The following CISD1 variants were observed in gnomAD, a reference collection of about 807,000 sequenced individuals.
CISD1 encodes the protein CDGSH iron-sulfur domain-containing protein 1.
CISD1 carries 8 observed loss-of-function variants against 12.0 expected under a neutral mutation model. The observed-to-expected ratio is 0.67, with a 90% CI of 0.39 to 1.20. CISD1 has a LOEUF of 1.20. Among genes scored for constraint, CISD1 ranks in the 50% most tolerant of loss-of-function variants. The pLI is 0.01. For missense variants in CISD1, 107 were observed against 132.7 expected, an observed-to-expected ratio of 0.81 and a Z score of 0.95; for synonymous variants, 38 against 42.2, an observed-to-expected ratio of 0.90 and a Z score of 0.39.
rs1413527473 is a variant in CISD1, at chr10:58,287,847, AAAG to A, written c.*198_*200del. On this transcript the variant is annotated 3_prime_UTR_variant, in exon 3 of 3. Coordinates refer to ENST00000333926, the MANE Select transcript of CISD1 (RefSeq NM_018464.5). Reference sequence around the variant, plus strand: ...TTTGTTTAAACAAAAAAAAAAAAAAAAAGGAAAAACCAACCTGCATGGCCTGTG... The same window carrying A: ...TTTGTTTAAACAAAAAAAAAAAAAAAGAAAAACCAACCTGCATGGCCTGTG... 11 of 234,676 alleles carry A rather than the reference AAAG, an allele frequency of 4.7e-5. No individual in the cohort carries two copies. In the African/African-American group the frequency reaches 6.6e-4, roughly 14 times the overall value. 14.5% of individuals were successfully genotyped at this position (234,676 alleles called of 1,614,324 possible).
chr10:58,269,326 G>C lies in CISD1; in HGVS notation c.31+22G>C, dbSNP rs1276734711. ...CGAGGTGAAGTGGGGCCTGGGAGCG[G>C]GTGAGGCTGGTGAGGCTCAGCGGTT... is the stretch of plus-strand genomic sequence containing the variant. On this transcript the variant is annotated intron_variant, in intron 1 of 2. Transcript: ENST00000333926. The C allele has an allele frequency of 5.0e-6, 8 of 1,599,880 alleles. No individual in the cohort carries two copies. The East Asian group carries it at 1.8e-4, about 36-fold the overall frequency.
chr10:58,283,594 G>A (rs1839396380), intron 2 of CISD1, among the ~76,000 whole-genome samples: 1 of 152,184 alleles, frequency 6.6e-6, no homozygotes, highest in South Asian at 2.1e-4. Context: ...GAAGAGATAA[G>A]TCAAAGAGGA....
intron 1 of CISD1, among the ~76,000 whole-genome samples, 199 bp downstream of exon 1, chr10:58,269,503 T>TAA (rs1839216569): frequency 6.6e-6 from 1 of 152,160 alleles, no homozygotes; most frequent in Non-Finnish European, 1.5e-5. Flanking sequence ...GGATTGATGG[T>TAA]TTGGGGCCAT....
intron 2 of CISD1, among the ~76,000 whole-genome samples, chr10:58,286,492 T>G (rs895130711): frequency 2.0e-5 from 3 of 152,214 alleles, no homozygotes; most frequent in African/African-American, 7.2e-5. Flanking sequence ...AAATTTAAAG[T>G]GTCCATAGTC....
intron 1 of CISD1, among the ~76,000 whole-genome samples, chr10:58,272,808 A>G (rs1839264172): frequency 6.6e-6 from 1 of 152,202 alleles, no homozygotes; most frequent in Admixed American, 6.5e-5. Flanking sequence ...AGTCCCAGCT[A>G]CTTGGGAGGC....
At chr10:58,284,889 G>A (rs1255212268) in intron 2 of CISD1, among the ~76,000 whole-genome samples, 1 of 152,102 alleles carries the variant, frequency 6.6e-6, no homozygotes, top group African/African-American at 2.4e-5. Flanking sequence ...TTATAGTGAA[G>A]TGTTTTGTGT....
chr10:58,286,329 A>G (rs1183784536), intron 2 of CISD1, among the ~76,000 whole-genome samples: 1 of 152,196 alleles, frequency 6.6e-6, no homozygotes, highest in Non-Finnish European at 1.5e-5. Flanking sequence ...GAACCTATAA[A>G]TAGGTGCTTT....
intron 1 of CISD1, among the ~76,000 whole-genome samples, chr10:58,274,464 T>C (rs1476802605): frequency 6.7e-6 from 1 of 149,712 alleles, no homozygotes; most frequent in Non-Finnish European, 1.5e-5. Flanking sequence ...TTTTTTTTTT[T>C]TTACTTCTGG....
intron 2 of CISD1, among the ~76,000 whole-genome samples, chr10:58,282,305 A>G (rs1471179292): frequency 6.6e-6 from 1 of 152,152 alleles, no homozygotes; most frequent in African/African-American, 2.4e-5. Flanking sequence ...CTCGGTGTCC[A>G]TGGATTGGTT....
Position 58,287,832 on chromosome 10 carries a change from CAAAAAAA to C in CISD1, c.*193_*199del, listed in dbSNP as rs60626434. On this transcript the variant is annotated 3_prime_UTR_variant, in exon 3 of 3. Transcript: ENST00000333926. ...ACATCGTGGTGCACATTTGTTTAAA[CAAAAAAA>C]AAAAAAAAAAGGAAAAACCAACCTG... The C allele has an allele frequency of 1.8e-4, 45 of 256,462 alleles. 1 individual carries two copies. The South Asian group carries it at 3.4e-3, about 19-fold the overall frequency. 15.9% of individuals were successfully genotyped at this position (256,462 alleles called of 1,614,324 possible).
At chr10:58,285,959 AC>A (rs1839423682) in intron 2 of CISD1, among the ~76,000 whole-genome samples, 2 of 152,284 alleles carry the variant, frequency 1.3e-5, no homozygotes, top group African/African-American at 4.8e-5. Flanking sequence ...TAATCCCAGC[AC>A]TTTGGGAGGC....
intron 1 of CISD1, among the ~76,000 whole-genome samples, chr10:58,274,874 A>T (rs1366593734): frequency 6.6e-6 from 1 of 152,200 alleles, no homozygotes; most frequent in Non-Finnish European, 1.5e-5. Context: ...AAAGAATGCA[A>T]GAAGAATGGG....
At chr10:58,282,806 C>A (rs1397097398) in intron 2 of CISD1, 3 of 152,170 alleles carry the variant, frequency 2.0e-5, no homozygotes, top group African/African-American at 7.2e-5. Context: ...AAGAGATAGT[C>A]TTACTTTCGA....
chr10:58,278,586 C>T (rs573396238), intron 2 of CISD1, among the ~76,000 whole-genome samples: 8 of 151,856 alleles, frequency 5.3e-5, no homozygotes, highest in African/African-American at 1.9e-4. Context: ...AAAGGGCCCC[C>T]AAAAAAATCA....
chr10:58,275,880 A>G (rs1839310030), intron 1 of CISD1, among the ~76,000 whole-genome samples: 1 of 152,220 alleles, frequency 6.6e-6, no homozygotes. Flanking sequence ...GTTTTATGTA[A>G]GGTACTATTA....
intron 1 of CISD1, among the ~76,000 whole-genome samples, chr10:58,271,338 C>T (rs1839246603): frequency 1.3e-5 from 2 of 152,162 alleles, no homozygotes; most frequent in South Asian, 4.1e-4. Context: ...CCGCGCCCGG[C>T]CGACTATTTT....
chr10:58,286,628 G>A (rs1274545709), intron 2 of CISD1, among the ~76,000 whole-genome samples: 1 of 152,196 alleles, frequency 6.6e-6, no homozygotes, highest in Non-Finnish European at 1.5e-5. Flanking sequence ...AAATCAGAGT[G>A]TCTTGCAGGA....
chr10:58,281,371 T>C (rs966068954), intron 2 of CISD1, among the ~76,000 whole-genome samples: 2 of 152,222 alleles, frequency 1.3e-5, no homozygotes, highest in African/African-American at 2.4e-5. Context: ...TGCCTTTTTT[T>C]CCCCCTCTGG....
At chr10:58,277,361 T>C in intron 2 of CISD1, 39 bp downstream of exon 2, 5 of 1,326,296 alleles carry the variant, frequency 3.8e-6, no homozygotes, top group Non-Finnish European at 5.2e-6. Flanking sequence ...CCATTTTTAA[T>C]GTTATATTTC....
Sources: gnomAD v4.1 joint callset for allele counts (sites outside exome capture counted in the v4.1 genomes callset) on GRCh38, gnomAD v4.1.1 for gene constraint, MANE v1.5 for transcripts, NCBI Gene and HGNC (gene_info 2026-07-23, HGNC 2026-07-21) for gene names.